BZW1: variants seen among roughly 807,000 people sequenced by gnomAD.
The protein encoded by BZW1 is eIF5-mimic protein 2.
A neutral mutation model predicts 54.1 loss-of-function variants in BZW1; 3 were observed. The observed-to-expected ratio is 0.06, with a 90% CI of 0.03 to 0.14. The LOEUF (loss-of-function observed/expected upper bound fraction) is 0.14, where lower values mean the gene tolerates loss of function less well. BZW1 is among the 10% of genes least tolerant of loss of function. BZW1 has a pLI of 1.00. For missense variants in BZW1, 206 were observed against 491.7 expected (o/e 0.42, Z 5.50); for synonymous variants, 152 against 162.7 (o/e 0.93, Z 0.50).
chr2:200,817,103 C>T lies in BZW1; in HGVS notation c.403-3C>T. 1 of 1,613,314 alleles carries T rather than the reference C, an allele frequency of 6.2e-7. No individual in the cohort carries two copies. Among genetic ancestry groups the T allele is most frequent in the Non-Finnish European group, 8.5e-7 (1 of 1,179,726 alleles). On this transcript the variant is annotated splice_region_variant and splice_polypyrimidine_tract_variant and intron_variant, in intron 5 of 11. Coordinates refer to ENST00000409600, the MANE Select transcript of BZW1 (RefSeq NM_001207067.2). ...TAACCCTTAATTGTTTTACTTTTTA[C>T]AGCTGCTGCTGTTCTTGAAGGGTTT...
At chr2:200,812,508 A>T (rs965076804) in intron 1 of BZW1, 1 of 1,377,664 alleles carries the variant, frequency 7.3e-7, no homozygotes, top group Admixed American at 3.1e-5. Context: ...GTGGAGAAAG[A>T]GCCGCGGGAC....
intron 2 of BZW1, among the ~76,000 whole-genome samples, chr2:200,814,096 C>G (rs2038199250): frequency 1.3e-5 from 2 of 152,192 alleles, no homozygotes; most frequent in African/African-American, 4.8e-5. Context: ...TGATTTGATT[C>G]TAATCTTTGC....
In BZW1 at chr2:200,815,732, G is replaced by A; in HGVS notation, c.307G>A (p.Asp103Asn). The change falls in exon 4 of 12, where the codon GAT (aspartate) becomes AAT (asparagine). Residue 103 changes from aspartate (D) to asparagine (N), a missense_variant. Asp to Asn is a conservative substitution (Grantham distance 23). This residue lies in a region of BZW1 where 81 missense variants were observed against 257.1 expected (regional missense o/e 0.32). Transcript: ENST00000409600. ...TGTCTGCGTGTTTGCAGCCCAAGAA[G>A]ATCTAGAGACCATGCAAGCATTTGC... ...TDVCVFAAQE[D>N]LETMQAFAQV... 6.3e-7 allele frequency: 1 copy of A among 1,584,848 alleles called. No homozygotes were observed. Among genetic ancestry groups the A allele is most frequent in the South Asian group, 1.2e-5 (1 of 86,130 alleles).
intron 11 of BZW1, 32 bp from the exon 12 acceptor site, chr2:200,822,115 T>C (rs150156590): frequency 1.0e-4 from 163 of 1,585,880 alleles, no homozygotes; most frequent in Admixed American, 6.4e-4. Context: ...TTCTGATACA[T>C]AATGTTTGAC....
intron 10 of BZW1, 82 bp downstream of exon 10, chr2:200,820,202 G>C: frequency 8.2e-7 from 1 of 1,223,486 alleles, no homozygotes. Flanking sequence ...TGAGTTATCT[G>C]GACATCAGCT....
chr2:200,817,073 T>A, intron 5 of BZW1, 33 bp from the exon 6 acceptor site: 2 of 1,606,456 alleles, frequency 1.2e-6, no homozygotes, highest in Non-Finnish European at 1.7e-6. Context: ...ATGCAGTTGC[T>A]GTTTTAACCC....
intron 9 of BZW1, among the ~76,000 whole-genome samples, chr2:200,819,771 A>G (rs1171754959): frequency 6.6e-6 from 1 of 151,990 alleles, no homozygotes; most frequent in Non-Finnish European, 1.5e-5. Context: ...CCTGACCTCA[A>G]GTGATCCACC....
chr2:200,826,528 C>A lies in BZW1; in HGVS notation c.*4350C>A, dbSNP rs2038707558. 2 of 148,568 alleles carry A rather than the reference C, an allele frequency of 1.3e-5. No individual in the cohort carries two copies. The highest frequency in any genetic ancestry group is 1.4e-4 in the Admixed American group (2 of 14,762). 9.2% of individuals were successfully genotyped at this position (148,568 alleles called of 1,614,324 possible). ...CAAGCTCCGCCTTGGGGGTTCACAC[C>A]ATTCTCCTGTCTCAGCCTCCTAGCT... On this transcript the variant is annotated 3_prime_UTR_variant, in exon 12 of 12. Coordinates refer to ENST00000409600, the MANE Select transcript of BZW1 (RefSeq NM_001207067.2).
intron 9 of BZW1, among the ~76,000 whole-genome samples, chr2:200,819,693 G>T (rs1040794037): frequency 1.3e-5 from 2 of 151,482 alleles, no homozygotes; most frequent in African/African-American, 4.9e-5. Context: ...CCCAAGTAGT[G>T]CCTGGCTAAT....
rs2038248536 is a variant in BZW1, at chr2:200,815,394, T to C, written c.118T>C (p.Leu40=). The change falls in exon 3 of 12, where the codon TTA becomes CTA. Residue 40 remains leucine (L), a synonymous_variant. Coordinates refer to ENST00000409600, the MANE Select transcript of BZW1 (RefSeq NM_001207067.2). ...GTTTCAAGACTGTATTATTCAAGGC[T>C]TAACTGAAACCGGTACTGATTTGGA... The part of the protein sequence containing the change: ...TQFQDCIIQG[L]TETGTDLEAV... 1 of 1,613,906 alleles carries C rather than the reference T, an allele frequency of 6.2e-7. No individual in the cohort carries two copies. The highest frequency in any genetic ancestry group is 8.5e-7 in the Non-Finnish European group (1 of 1,179,898).
intron 4 of BZW1, 62 bp downstream of exon 4, chr2:200,815,823 A>G: frequency 7.3e-7 from 1 of 1,372,584 alleles, no homozygotes; most frequent in East Asian, 2.5e-5. Flanking sequence ...TATTTGAGGA[A>G]TATTCTACTT....
chr2:200,820,149 A>T (rs377250753), intron 10 of BZW1, 29 bp downstream of exon 10: 8 of 1,496,462 alleles, frequency 5.3e-6, no homozygotes, highest in East Asian at 2.5e-5. Flanking sequence ...TTTGTAAATA[A>T]CACTTAATAA....
intron 11 of BZW1, among the ~76,000 whole-genome samples, chr2:200,821,587 CAG>C (rs934160189): frequency 1.3e-5 from 2 of 150,824 alleles, no homozygotes; most frequent in African/African-American, 4.9e-5. Flanking sequence ...AATATAGAGA[CAG>C]AGTCTCACTA....
Position 200,825,221 on chromosome 2 carries a change from C to T in BZW1, c.*3043C>T, listed in dbSNP as rs1256508062. 6 of 152,226 alleles carry T rather than the reference C, an allele frequency of 3.9e-5. No homozygotes were observed. Among genetic ancestry groups the T allele is most frequent in the African/African-American group, 1.2e-4 (5 of 41,508 alleles). The allele number at this position is 152,226 out of a possible 1,614,324, so 9.4% of individuals were successfully genotyped here. ...CTGGGATTACAGGCGGCCACCACCA[C>T]CCCTGGCTAATTTTTGTATTTTTAG... On this transcript the variant is annotated 3_prime_UTR_variant, in exon 12 of 12. Transcript: ENST00000409600.
In BZW1 at chr2:200,811,931, ACCG is replaced by A; in HGVS notation, c.-65_-63del. On this transcript the variant is annotated 5_prime_UTR_variant, in exon 1 of 12. Coordinates refer to ENST00000409600, the MANE Select transcript of BZW1 (RefSeq NM_001207067.2). ...CGTTAGTTCCGGTCGCAGAGGAGACACCGCCGCAGTTGCCGGTACATCGGGGAT... is the reference window on the plus strand; with the variant it reads ...CGTTAGTTCCGGTCGCAGAGGAGACACCGCAGTTGCCGGTACATCGGGGAT... 3.9e-6 allele frequency: 1 copy of A among 253,968 alleles called. No homozygotes were observed. Among genetic ancestry groups the A allele is most frequent in the Non-Finnish European group, 7.4e-6 (1 of 134,230 alleles). 15.7% of individuals were successfully genotyped at this position (253,968 alleles called of 1,614,324 possible).
At chr2:200,813,501 T>A (rs1201209211) in intron 2 of BZW1, 2 of 388,412 alleles carry the variant, frequency 5.1e-6, no homozygotes, top group Non-Finnish European at 9.2e-6. Flanking sequence ...CTAAGCCGGT[T>A]AGTGAATCTT....
In BZW1 at chr2:200,820,066, G is replaced by A. The variant is rs752308090; in HGVS notation, c.1051G>A (p.Asp351Asn). Reference protein sequence around the residue: ...LLLKIQEYCYDNIHFMKAFQK... With the variant: ...LLLKIQEYCYNNIHFMKAFQK... ...ACTGAAGATTCAGGAGTATTGCTATGACAACATTCATTTCATGAAAGCCTT... is the reference window on the plus strand; with the variant it reads ...ACTGAAGATTCAGGAGTATTGCTATAACAACATTCATTTCATGAAAGCCTT... The change falls in exon 10 of 12, where the codon GAC (aspartate) becomes AAC (asparagine). Residue 351 changes from aspartate (D) to asparagine (N), a missense_variant. By Grantham distance (23) the Asp-to-Asn change is conservative. Coordinates refer to ENST00000409600, the MANE Select transcript of BZW1 (RefSeq NM_001207067.2). 19 of 1,555,674 alleles carry A rather than the reference G, an allele frequency of 1.2e-5. No individual in the cohort carries two copies.
chr2:200,818,428 A>G (rs754036403), intron 8 of BZW1, 35 bp downstream of exon 8: 33 of 1,582,248 alleles, frequency 2.1e-5, no homozygotes, highest in Non-Finnish European at 2.6e-5. Flanking sequence ...TTTATGGCTA[A>G]GCTTCTGGCA....
chr2:200,825,754 C>G lies in BZW1; in HGVS notation c.*3576C>G, dbSNP rs1488663010. 12 of 152,208 alleles carry G rather than the reference C, an allele frequency of 7.9e-5. No homozygotes were observed. Among genetic ancestry groups the G allele is most frequent in the Admixed American group, 7.9e-4 (12 of 15,282 alleles). The allele number at this position is 152,208 out of a possible 1,614,324, so 9.4% of individuals were successfully genotyped here. On this transcript the variant is annotated 3_prime_UTR_variant, in exon 12 of 12. Coordinates refer to ENST00000409600, the MANE Select transcript of BZW1 (RefSeq NM_001207067.2). ...GGCATAACACTGATAAACCTCTGCT[C>G]TCATACTGAAGTAGGCTGCTTGCAG...
Sources: gnomAD v4.1 joint callset for allele counts (sites outside exome capture counted in the v4.1 genomes callset) on GRCh38, gnomAD v4.1.1 for gene constraint, gnomAD v4.1.1 regional missense constraint, MANE v1.5 for transcripts, NCBI Gene and HGNC (gene_info 2026-07-23, HGNC 2026-07-21) for gene names.